The following PDCD6 variants were observed in gnomAD, a reference collection of about 807,000 sequenced individuals.
PDCD6 encodes programmed cell death protein 6.
Under a neutral mutation model 28.3 loss-of-function variants are expected in PDCD6, and 12 were observed. That is an observed-to-expected ratio of 0.42 (90% CI 0.27 to 0.69). The LOEUF is 0.69. PDCD6 is among the 30% of genes least tolerant of loss of function. PDCD6 has a pLI of 0.22. For synonymous variants in PDCD6, 92 were observed against 108.0 expected, an observed-to-expected ratio of 0.85 and a Z score of 0.92; for missense variants, 226 against 269.9, an observed-to-expected ratio of 0.84 and a Z score of 1.14.
Position 304,373 on chromosome 5 carries a change from C to T in PDCD6, c.208+152C>T, listed in dbSNP as rs574815003. The stretch of plus-strand genomic sequence containing the variant: ...GTCGGCCCTTTCATCCCTCTCCCTC[C>T]GTCTCTGTACCTTTTCACATCTCTC... On this transcript the variant is annotated intron_variant, in intron 3 of 5. Coordinates refer to ENST00000264933, the MANE Select transcript of PDCD6 (RefSeq NM_013232.4). The T allele has an allele frequency of 3.5e-5, 43 of 1,227,440 alleles. 2 individuals carry two copies. The African/African-American group carries it at 4.2e-4, about 12-fold the overall frequency. The allele number at this position is 1,227,440 out of a possible 1,614,324, so 76.0% of individuals were successfully genotyped here.
At chr5:311,668 G>T in intron 5 of PDCD6, 1 of 425,414 alleles carries the variant, frequency 2.4e-6, no homozygotes, top group Non-Finnish European at 4.2e-6. Flanking sequence ...GTATGTTCTG[G>T]TGTTGTGGTT....
rs1294993625 is a variant in PDCD6, at chr5:271,840, C to G, written c.101+19C>G. ...TCCAGAGGTGCGGCCTGGCACCGCC[C>G]GGGCACCTCCCGCCTCCGCCGCGGC... is the stretch of plus-strand genomic sequence containing the variant. On this transcript the variant is annotated intron_variant, in intron 1 of 5. Coordinates refer to ENST00000264933, the MANE Select transcript of PDCD6 (RefSeq NM_013232.4). 1 of 1,323,206 alleles carries G rather than the reference C, an allele frequency of 7.6e-7. No homozygotes were observed. Among genetic ancestry groups the G allele is most frequent in the Non-Finnish European group, 9.8e-7 (1 of 1,015,446 alleles). 82.0% of individuals were successfully genotyped at this position (1,323,206 alleles called of 1,614,324 possible). A position where few individuals can be genotyped will look rare whatever the true frequency, so the allele number is the denominator to read the frequency against.
At chr5:293,250 C>A (rs1383981570) in intron 2 of PDCD6, among the ~76,000 whole-genome samples, 1 of 152,154 alleles carries the variant, frequency 6.6e-6, no homozygotes, top group Non-Finnish European at 1.5e-5. Flanking sequence ...ACGGGAACAG[C>A]ACAGGGCACT....
At position 271,841 on chromosome 5, in the gene PDCD6, G is replaced by C. The variant is rs1349141244; in HGVS notation, c.101+20G>C. The C allele has an allele frequency of 2.3e-6, 3 of 1,330,770 alleles. No homozygotes were observed. The highest frequency in any genetic ancestry group is 2.9e-6 in the Non-Finnish European group (3 of 1,021,362). 82.4% of individuals were successfully genotyped at this position (1,330,770 alleles called of 1,614,324 possible). On this transcript the variant is annotated intron_variant, in intron 1 of 5. Coordinates refer to ENST00000264933, the MANE Select transcript of PDCD6 (RefSeq NM_013232.4). ...CCAGAGGTGCGGCCTGGCACCGCCC[G>C]GGCACCTCCCGCCTCCGCCGCGGCG...
intron 2 of PDCD6, among the ~76,000 whole-genome samples, chr5:295,239 T>G (rs1739539930): frequency 6.6e-6 from 1 of 152,114 alleles, no homozygotes; most frequent in South Asian, 2.1e-4. Context: ...AAGTATTTCA[T>G]AAGCGTATTG....
intron 3 of PDCD6, 24 bp downstream of exon 3, chr5:304,245 C>G (rs772134061): frequency 5.7e-5 from 86 of 1,519,322 alleles, no homozygotes; most frequent in Non-Finnish European, 7.5e-5. Context: ...GACGGACCAA[C>G]CTGGGCTGCT....
rs919592414 is a variant in PDCD6 at position 306,724 on chromosome 5, G to A, written c.331G>A (p.Asp111Asn). The A allele has an allele frequency of 9.3e-6, 15 of 1,613,910 alleles. No individual in the cohort carries two copies. Among genetic ancestry groups the A allele is most frequent in the Admixed American group, 1.7e-5 (1 of 60,010 alleles). ...TYDRDNSGMI[D>N]KNELKQALSG... ...CGACCGGGACAACTCCGGGATGATC[G>A]ATAAGAACGAGCTGAAGCAGGCCCT... Residue 111 changes from aspartate to asparagine, a missense_variant, in exon 4 of 6, where the codon GAT (aspartate) becomes AAT (asparagine). Coordinates refer to ENST00000264933, the MANE Select transcript of PDCD6 (RefSeq NM_013232.4).
chr5:276,770 G>A (rs1738222931), intron 2 of PDCD6: 1 of 985,134 alleles, frequency 1.0e-6, no homozygotes, highest in Admixed American at 6.2e-5. Context: ...TGTATTCTAG[G>A]TGAAACCACA....
intron 2 of PDCD6, among the ~76,000 whole-genome samples, chr5:281,406 T>G (rs1738554950): frequency 6.6e-6 from 1 of 152,098 alleles, no homozygotes. Flanking sequence ...GTCGTTGAGC[T>G]GGAGGTCCAG....
At chr5:291,148 C>T (rs1244384744) in intron 2 of PDCD6, among the ~76,000 whole-genome samples, 4 of 152,088 alleles carry the variant, frequency 2.6e-5, no homozygotes, top group African/African-American at 9.7e-5. Flanking sequence ...CTTTATTATT[C>T]CCACACTTTT....
chr5:285,027 A>G (rs1036999980), intron 2 of PDCD6, among the ~76,000 whole-genome samples: 2 of 147,980 alleles, frequency 1.4e-5, no homozygotes, highest in Non-Finnish European at 3.0e-5. Context: ...ACAGCCCTCA[A>G]ACTGCAACAT....
At chr5:295,368 G>A (rs1276118786) in intron 2 of PDCD6, among the ~76,000 whole-genome samples, 1 of 152,038 alleles carries the variant, frequency 6.6e-6, no homozygotes, top group African/African-American at 2.4e-5. Context: ...CCTGGCTATA[G>A]GAAATAACAT....
chr5:274,416 T>C (rs1472009887), intron 2 of PDCD6, among the ~76,000 whole-genome samples: 1 of 152,222 alleles, frequency 6.6e-6, no homozygotes, highest in Non-Finnish European at 1.5e-5. Context: ...CTGGAGTGCT[T>C]TGGGGCCTGC....
chr5:298,217 A>G (rs543845038), intron 2 of PDCD6, among the ~76,000 whole-genome samples: 2 of 152,174 alleles, frequency 1.3e-5, no homozygotes, highest in Admixed American at 6.5e-5. Context: ...TTCCTGCCTC[A>G]TGGGGTCTCT....
intron 5 of PDCD6, 54 bp downstream of exon 5, chr5:311,456 C>A: frequency 1.7e-6 from 2 of 1,179,554 alleles, no homozygotes; most frequent in African/African-American, 1.5e-5. Flanking sequence ...GGCTTGCTTG[C>A]CAGCGTGATG....
At chr5:280,868 G>A (rs1277306836) in intron 2 of PDCD6, among the ~76,000 whole-genome samples, 1 of 152,194 alleles carries the variant, frequency 6.6e-6, no homozygotes, top group East Asian at 1.9e-4. Context: ...GGGCCGTGCT[G>A]GGCACTTTGG....
rs1359399911 is a variant in PDCD6, at chr5:292,025, G to A, written c.164-12152G>A. 3.3e-5 allele frequency among the ~76,000 whole-genome samples: 5 copies of A among 152,170 alleles called. No individual in the cohort carries two copies. The East Asian group carries it at 5.8e-4, about 18-fold the overall frequency. ...ACTTCACAACCGTTCTTAGCAGGGC[G>A]TGGTGTTCCTGCTTCTCTCCATTCT... On this transcript the variant is annotated intron_variant, in intron 2 of 5. Coordinates refer to ENST00000264933, the MANE Select transcript of PDCD6 (RefSeq NM_013232.4).
chr5:300,324 A>G (rs376696054), intron 2 of PDCD6, among the ~76,000 whole-genome samples: 3 of 152,318 alleles, frequency 2.0e-5, no homozygotes, highest in East Asian at 3.9e-4. Flanking sequence ...CCACGGCACT[A>G]GCTGTCCCAG....
chr5:292,706 AG>A (rs2126725154), intron 2 of PDCD6, among the ~76,000 whole-genome samples: 1 of 152,348 alleles, frequency 6.6e-6, no homozygotes, highest in South Asian at 2.1e-4. Context: ...AAGGGTATGG[AG>A]AACAGAGCCG....
Sources: allele counts gnomAD v4.1 joint callset (sites outside exome capture counted in the v4.1 genomes callset), GRCh38; gene constraint gnomAD v4.1.1; transcripts MANE v1.5; gene names NCBI Gene and HGNC (gene_info 2026-07-23, HGNC 2026-07-21).